FMN1: variants seen among roughly 807,000 people sequenced by gnomAD.
FMN1 encodes formin 1, also known as formin-1.
A neutral mutation model predicts 132.4 loss-of-function variants in FMN1; 110 were observed. The observed-to-expected ratio is 0.83, with a 90% CI of 0.71 to 0.97. The LOEUF (loss-of-function observed/expected upper bound fraction) is 0.97, where lower values mean the gene tolerates loss of function less well. Ranked by LOEUF, FMN1 falls within the 50% of genes least tolerant of loss-of-function variation. The pLI is 0.00. For synonymous variants in FMN1, 722 were observed against 651.7 expected (o/e 1.11, Z -1.64); for missense variants, 1,792 against 1,705.3 (o/e 1.05, Z -0.90).
chr15:33,191,130 A>G (rs1277750758), intron 2 of FMN1, among the ~76,000 whole-genome samples: 1 of 150,986 alleles, frequency 6.6e-6, no homozygotes, highest in African/African-American at 2.4e-5. Flanking sequence ...AGACCGTGCC[A>G]CTGCACTCCA....
At chr15:32,820,817 A>C (rs2058191544) in intron 17 of FMN1, among the ~76,000 whole-genome samples, 1 of 152,184 alleles carries the variant, frequency 6.6e-6, no homozygotes, top group Non-Finnish European at 1.5e-5. Context: ...TTTTGCAAAT[A>C]TATTTTCCCA....
At chr15:33,016,200 A>G (rs1375295575) in intron 6 of FMN1, among the ~76,000 whole-genome samples, 1 of 152,234 alleles carries the variant, frequency 6.6e-6, no homozygotes, top group East Asian at 1.9e-4. Flanking sequence ...TGACATTTGA[A>G]AAAATATGCT....
intron 4 of FMN1, among the ~76,000 whole-genome samples, chr15:33,138,504 T>C (rs1010135386): frequency 6.6e-6 from 1 of 152,146 alleles, no homozygotes; most frequent in African/African-American, 2.4e-5. Flanking sequence ...TACTGCCACC[T>C]TCCTCTTGTC....
chr15:32,848,986 T>TG (rs1555472094), intron 17 of FMN1, among the ~76,000 whole-genome samples: 52 of 126,472 alleles, frequency 4.1e-4, no homozygotes, highest in Non-Finnish European at 4.3e-4. Context: ...TGTTTTTTTT[T>TG]TTTTTTTTTT....
chr15:32,961,534 C>T (rs547715199), intron 9 of FMN1, among the ~76,000 whole-genome samples: 48 of 152,230 alleles, frequency 3.2e-4, no homozygotes, highest in South Asian at 2.1e-3. Flanking sequence ...ATACTTTTTC[C>T]TCAACACCAT....
chr15:33,066,654 G>C, intron 5 of FMN1: 1 of 1,613,756 alleles, frequency 6.2e-7, no homozygotes, highest in Non-Finnish European at 8.5e-7. Flanking sequence ...CTGGGGGGCC[G>C]GATGAATAGG....
At chr15:33,005,316 C>A (rs1399145683) in intron 7 of FMN1, among the ~76,000 whole-genome samples, 1 of 151,904 alleles carries the variant, frequency 6.6e-6, no homozygotes, top group Non-Finnish European at 1.5e-5. Context: ...GGGGCAACAA[C>A]AGTTGTTTAA....
intron 3 of FMN1, among the ~76,000 whole-genome samples, chr15:33,165,204 C>G (rs1965048833): frequency 6.6e-6 from 1 of 152,130 alleles, no homozygotes; most frequent in African/African-American, 2.4e-5. Context: ...ACAAAGAGAG[C>G]TTCCTTTTCA....
At chr15:32,799,308 G>A (rs7166080) in intron 18 of FMN1, among the ~76,000 whole-genome samples, 26,676 of 152,068 alleles carry the variant, frequency 0.18, 2,547 homozygotes, top group East Asian at 0.25. Context: ...CATGCAAGGT[G>A]GATGACACAC....
intron 17 of FMN1, among the ~76,000 whole-genome samples, chr15:32,807,695 C>A (rs1235037915): frequency 1.3e-5 from 2 of 152,122 alleles, no homozygotes; most frequent in African/African-American, 4.8e-5. Flanking sequence ...TTTTGCAATA[C>A]CTCTGTGAAT....
At position 32,774,045 on chromosome 15, in the gene FMN1, G is replaced by C; in HGVS notation, c.*265C>G. 2.1e-6 allele frequency: 1 copy of C among 479,630 alleles called. No homozygotes were observed. The highest frequency in any genetic ancestry group is 3.6e-6 in the Non-Finnish European group (1 of 276,010). 29.7% of individuals were successfully genotyped at this position (479,630 alleles called of 1,614,324 possible). ...CATTTTGGTATTTCTTCTGCTCTTA[G>C]AGTGGACTTTGGGCTTCCACAAGAA... On this transcript the variant is annotated 3_prime_UTR_variant, in exon 21 of 21. Transcript: ENST00000616417.
At chr15:33,145,082 TC>T (rs1017180398) in intron 4 of FMN1, among the ~76,000 whole-genome samples, 5 of 152,086 alleles carry the variant, frequency 3.3e-5, no homozygotes, top group African/African-American at 1.2e-4. Flanking sequence ...TGCTTCCCTC[TC>T]CCCCACACCA....
intron 6 of FMN1, chr15:33,012,471 T>A: frequency 8.9e-7 from 1 of 1,127,778 alleles, no homozygotes; most frequent in South Asian, 1.2e-5. Flanking sequence ...CAGAAGAACA[T>A]CACCTAAGAG....
At chr15:32,870,145 A>G (rs2059482048) in intron 16 of FMN1, among the ~76,000 whole-genome samples, 1 of 152,106 alleles carries the variant, frequency 6.6e-6, no homozygotes, top group Non-Finnish European at 1.5e-5. Context: ...GATGTTTTTG[A>G]TAGTTTCCTT....
intron 17 of FMN1, among the ~76,000 whole-genome samples, chr15:32,828,502 CA>C (rs1404876859): frequency 1.4e-5 from 2 of 146,016 alleles, no homozygotes; most frequent in African/African-American, 4.9e-5. Context: ...TATCATTTAG[CA>C]TGTTTTTTTT....
chr15:33,008,506 G>GA lies in FMN1; in HGVS notation c.2162-432dup, dbSNP rs112765908. On this transcript the variant is annotated intron_variant, in intron 6 of 20. Transcript: ENST00000616417. ...CTATTTTTAACTCTGTTTCAAAAAA[G>GA]AAAAAAAAAATCTCCATTTGAATGC... Among the ~76,000 whole-genome samples, 748 of 149,164 alleles carry GA rather than the reference G, an allele frequency of 5.0e-3. 9 individuals are homozygous for GA. Among genetic ancestry groups the GA allele is most frequent in the African/African-American group, 0.017 (699 of 40,724 alleles).
chr15:33,153,892 T>A lies in FMN1; in HGVS notation c.1023A>T (p.Gln341His). 1 of 1,536,794 alleles carries A rather than the reference T, an allele frequency of 6.5e-7. No individual in the cohort carries two copies. The highest frequency in any genetic ancestry group is 8.7e-7 in the Non-Finnish European group (1 of 1,147,062). ...AKVQDLSSQV[Q>H]RVVKTHSKGK... ...CCTTAGAATGCGTTTTAACTACTCT[T>A]TGTACCTGGGAGGACAGGTCCTGAA... The change falls in exon 4 of 21, where the codon CAA (glutamine) becomes CAT (histidine). Residue 341 changes from glutamine (Q) to histidine (H), a missense_variant. By Grantham distance (24) the Gln-to-His change is conservative. Around this residue, in one of 3 missense-constraint regions of FMN1, gnomAD observed 638 missense variants for 645.2 expected, o/e 0.99. Transcript: ENST00000616417.
chr15:32,881,110 C>T (rs535990001), intron 16 of FMN1, among the ~76,000 whole-genome samples: 16 of 151,974 alleles, frequency 1.1e-4, no homozygotes, highest in South Asian at 4.2e-4. Flanking sequence ...TAATCAAATA[C>T]GGGGGAGTAA....
At chr15:33,150,524 A>G (rs1964400498) in intron 4 of FMN1, 2 of 985,488 alleles carry the variant, frequency 2.0e-6, no homozygotes, top group Non-Finnish European at 2.4e-6. Flanking sequence ...CAAACCCAAC[A>G]GAAGGTGCAT....
Sources: allele counts gnomAD v4.1 joint callset (sites outside exome capture counted in the v4.1 genomes callset), GRCh38; gene constraint gnomAD v4.1.1; regional missense constraint gnomAD v4.1.1; transcripts MANE v1.5; gene names NCBI Gene and HGNC (gene_info 2026-07-23, HGNC 2026-07-21).